Variants in ITGB1BP1 observed in about 807,000 individuals in gnomAD.
The protein encoded by ITGB1BP1 is integrin subunit beta 1 binding protein 1.
A neutral mutation model predicts 28.0 loss-of-function variants in ITGB1BP1; 20 were observed. The observed-to-expected ratio is 0.71, with a 90% CI of 0.50 to 1.04. The LOEUF (loss-of-function observed/expected upper bound fraction) is 1.04. Among genes scored for constraint, ITGB1BP1 ranks in the 50% least tolerant of loss-of-function variants. The pLI is 0.00. For synonymous variants in ITGB1BP1, 103 were observed against 89.5 expected, an observed-to-expected ratio of 1.15 and a Z score of -0.85; for missense variants, 228 against 242.5, an observed-to-expected ratio of 0.94 and a Z score of 0.40.
chr2:9,418,517 G>A, intron 2 of ITGB1BP1, 109 bp downstream of exon 2: 1 of 793,172 alleles, frequency 1.3e-6, no homozygotes, highest in Non-Finnish European at 2.2e-6. Context: ...ACACTAGTTT[G>A]AAGATTATCA....
At position 9,407,072 on chromosome 2, in the gene ITGB1BP1, G is replaced by A. The variant is rs184811574; in HGVS notation, c.532-167C>T. The stretch of plus-strand genomic sequence containing the variant: ...ACCCATACTATGAGCTTCCCTGCAC[G>A]TGGGCCCTTTCTGCCCTCCTTCAGA... On this transcript the variant is annotated intron_variant, in intron 6 of 6. Transcript: ENST00000355346. 3.5e-4 allele frequency: 218 copies of A among 628,342 alleles called. 1 individual carries two copies. The highest frequency in any genetic ancestry group is 1.5e-3 in the African/African-American group (81 of 54,662). The allele number at this position is 628,342 out of a possible 1,614,324, so 38.9% of individuals were successfully genotyped here.
chr2:9,412,472 C>T, intron 3 of ITGB1BP1, 67 bp from the exon 4 acceptor site: 2 of 1,334,230 alleles, frequency 1.5e-6, no homozygotes, highest in Non-Finnish European at 2.0e-6. Flanking sequence ...TCCTCAGTCC[C>T]TTCCCAAATA....
chr2:9,414,916 G>A (rs1678922144), intron 2 of ITGB1BP1, among the ~76,000 whole-genome samples: 1 of 152,204 alleles, frequency 6.6e-6, no homozygotes, highest in Admixed American at 6.5e-5. Flanking sequence ...AAAGGGAGTT[G>A]TTCCTCAGAG....
chr2:9,420,015 T>C, intron 1 of ITGB1BP1: 5 of 968,758 alleles, frequency 5.2e-6, no homozygotes, highest in Non-Finnish European at 6.1e-6. Context: ...TATTTGACTG[T>C]CTTCAAAGGT....
At chr2:9,418,980 C>T (rs1273767363) in intron 1 of ITGB1BP1, among the ~76,000 whole-genome samples, 2 of 152,190 alleles carry the variant, frequency 1.3e-5, no homozygotes, top group South Asian at 2.1e-4. Context: ...TCTCAAACTC[C>T]TGCTCTCAGG....
chr2:9,406,657 AACTC>A lies in ITGB1BP1; in HGVS notation c.*173_*176del. ...AAAATAGATGACTTCATTGAGAGTTAACTCACTGTGTAATAGGACACATTTTAAT... is the reference window on the plus strand; with the variant it reads ...AAAATAGATGACTTCATTGAGAGTTAACTGTGTAATAGGACACATTTTAAT... On this transcript the variant is annotated 3_prime_UTR_variant, in exon 7 of 7. Transcript: ENST00000355346. 2 of 602,734 alleles carry A rather than the reference AACTC, an allele frequency of 3.3e-6. No individual in the cohort carries two copies. Among genetic ancestry groups the A allele is most frequent in the South Asian group, 2.0e-5 (1 of 48,896 alleles). The allele number at this position is 602,734 out of a possible 1,614,324, so 37.3% of individuals were successfully genotyped here.
At chr2:9,422,944 C>T (rs1007086440) in intron 1 of ITGB1BP1, 2 of 986,036 alleles carry the variant, frequency 2.0e-6, no homozygotes, top group African/African-American at 1.7e-5. Flanking sequence ...AAGTTCCTCC[C>T]AGACGCCAGC....
rs1160130932 is a variant in ITGB1BP1 at position 9,423,498 on chromosome 2, C to A, written c.-161G>T. The A allele has an allele frequency of 1.7e-6, 2 of 1,204,028 alleles. No individual in the cohort carries two copies. Among genetic ancestry groups the A allele is most frequent in the Non-Finnish European group, 2.1e-6 (2 of 949,640 alleles). The allele number at this position is 1,204,028 out of a possible 1,614,324, so 74.6% of individuals were successfully genotyped here. On this transcript the variant is annotated 5_prime_UTR_variant, in exon 1 of 7. Transcript: ENST00000355346. ...CGCCGGCTTTTCCAGCCCTCCTGCC[C>A]ACGTCCGCCGGGCCGCGCCTCCAAG...
At chr2:9,422,613 C>T in intron 1 of ITGB1BP1, 8 of 985,536 alleles carry the variant, frequency 8.1e-6, no homozygotes, top group Non-Finnish European at 9.6e-6. Flanking sequence ...CCCAGCTGCA[C>T]GCTGGTCAAA....
chr2:9,423,188 A>G, intron 1 of ITGB1BP1, 185 bp downstream of exon 1: 1 of 1,059,564 alleles, frequency 9.4e-7, no homozygotes, highest in Non-Finnish European at 1.2e-6. Flanking sequence ...CGTGGTTCCA[A>G]GCTCCTCCAC....
At chr2:9,407,158 C>T in intron 6 of ITGB1BP1, 4 of 598,514 alleles carry the variant, frequency 6.7e-6, no homozygotes, top group South Asian at 2.1e-5. Context: ...AGGGCAACAA[C>T]GTTCGGAAAT....
rs1438665453 is a variant in ITGB1BP1 at position 9,405,551 on chromosome 2, G to A, written c.*1283C>T. The A allele has an allele frequency of 1.3e-5, 2 of 152,540 alleles. No individual in the cohort carries two copies. The highest frequency in any genetic ancestry group is 2.4e-5 in the African/African-American group (1 of 41,422). 9.4% of individuals were successfully genotyped at this position (152,540 alleles called of 1,614,324 possible). A position where few individuals can be genotyped will look rare whatever the true frequency, so the allele number is the denominator to read the frequency against. Reference sequence around the variant, plus strand: ...TGGTTGCAGCACAACTGTATATATTGTATAACCGAAATTGATTATTTTCAT... The same window carrying A: ...TGGTTGCAGCACAACTGTATATATTATATAACCGAAATTGATTATTTTCAT... On this transcript the variant is annotated 3_prime_UTR_variant, in exon 7 of 7. Transcript: ENST00000355346.
chr2:9,409,914 G>A (rs930759411), intron 4 of ITGB1BP1, among the ~76,000 whole-genome samples: 6 of 145,638 alleles, frequency 4.1e-5, no homozygotes, highest in African/African-American at 5.1e-5. Context: ...GCGCGATCTC[G>A]GCTCACTGCA....
intron 3 of ITGB1BP1, 59 bp from the exon 4 acceptor site, chr2:9,412,464 C>T: frequency 7.2e-7 from 1 of 1,395,252 alleles, no homozygotes. Flanking sequence ...ACAGAGTATC[C>T]TCAGTCCCTT....
intron 2 of ITGB1BP1, among the ~76,000 whole-genome samples, chr2:9,417,442 C>T (rs373731155): frequency 2.7e-5 from 4 of 150,826 alleles, no homozygotes; most frequent in African/African-American, 7.3e-5. Flanking sequence ...TTTTTTGAGA[C>T]GGAATCTTGC....
intron 2 of ITGB1BP1, among the ~76,000 whole-genome samples, chr2:9,416,830 CA>C (rs1398327852): frequency 1.3e-5 from 2 of 152,136 alleles, no homozygotes; most frequent in African/African-American, 4.8e-5. Flanking sequence ...ATCTGGCATC[CA>C]GGTAGAAACA....
At position 9,406,521 on chromosome 2, in the gene ITGB1BP1, C is replaced by A. The variant is rs1313357018; in HGVS notation, c.*313G>T. On this transcript the variant is annotated 3_prime_UTR_variant, in exon 7 of 7. Transcript: ENST00000355346. ...TCTGTGACATCTCGTCTTCCTCAGG[C>A]CTTCAGTGTGTGTTTGTCACTGAGT... 8.5e-6 allele frequency: 2 copies of A among 233,952 alleles called. No homozygotes were observed. The highest frequency in any genetic ancestry group is 1.6e-5 in the Non-Finnish European group (2 of 124,788). 14.5% of individuals were successfully genotyped at this position (233,952 alleles called of 1,614,324 possible).
intron 2 of ITGB1BP1, among the ~76,000 whole-genome samples, chr2:9,418,194 A>G (rs943232949): frequency 1.3e-5 from 2 of 152,232 alleles, no homozygotes; most frequent in Admixed American, 6.5e-5. Flanking sequence ...TTTGTTTTGC[A>G]TGAATTAAAT....
intron 4 of ITGB1BP1, among the ~76,000 whole-genome samples, chr2:9,410,322 C>G (rs1024390203): frequency 6.6e-6 from 1 of 152,128 alleles, no homozygotes; most frequent in Non-Finnish European, 1.5e-5. Context: ...ACTTTGACTT[C>G]CTGGGCTCAA....
Sources: gnomAD v4.1 joint callset for allele counts (sites outside exome capture counted in the v4.1 genomes callset) on GRCh38, gnomAD v4.1.1 for gene constraint, MANE v1.5 for transcripts, NCBI Gene and HGNC (gene_info 2026-07-23, HGNC 2026-07-21) for gene names.